LDLRAD4: variants seen among roughly 807,000 people sequenced by gnomAD.
LDLRAD4 encodes low-density lipoprotein receptor class A domain-containing protein 4.
A neutral mutation model predicts 17.0 loss-of-function variants in LDLRAD4; 5 were observed. The observed-to-expected ratio is 0.29, with a 90% CI of 0.15 to 0.62. The LOEUF is 0.62. Ranked by LOEUF, LDLRAD4 falls within the 20% of genes least tolerant of loss-of-function variation. The pLI is 0.84. For synonymous variants in LDLRAD4, 168 were observed against 171.8 expected (o/e 0.98, Z 0.17); for missense variants, 340 against 424.7 (o/e 0.80, Z 1.75).
chr18:13,506,215 C>G (rs1282593446), intron 3 of LDLRAD4, among the ~76,000 whole-genome samples: 2 of 89,714 alleles, frequency 2.2e-5, no homozygotes, highest in Non-Finnish European at 5.5e-5. Context: ...GCAGCTGTTT[C>G]CTCTTTTTTT....
At chr18:13,417,558 A>G (rs947225464) in intron 2 of LDLRAD4, among the ~76,000 whole-genome samples, 3 of 150,968 alleles carry the variant, frequency 2.0e-5, no homozygotes, top group Non-Finnish European at 4.4e-5. Flanking sequence ...TCAGCCTTCC[A>G]AGTAGCTGGG....
intron 1 of LDLRAD4, among the ~76,000 whole-genome samples, chr18:13,303,631 C>T (rs951726997): frequency 5.3e-5 from 8 of 152,096 alleles, no homozygotes; most frequent in African/African-American, 1.9e-4. Flanking sequence ...TGCTCCTGTC[C>T]GAGACTTTCC....
intron 3 of LDLRAD4, among the ~76,000 whole-genome samples, chr18:13,547,554 C>G (rs11661055): frequency 1.3e-5 from 2 of 152,036 alleles, no homozygotes. Context: ...CTGTCAAGGG[C>G]GAGCCAGGTG....
chr18:13,473,385 G>A (rs572794847), intron 3 of LDLRAD4, among the ~76,000 whole-genome samples: 22 of 152,026 alleles, frequency 1.4e-4, no homozygotes, highest in Non-Finnish European at 3.1e-4. Context: ...AAAACCTAGT[G>A]GGGGCTGGGC....
intron 2 of LDLRAD4, among the ~76,000 whole-genome samples, chr18:13,433,348 G>C (rs1391676453): frequency 6.6e-6 from 1 of 152,192 alleles, no homozygotes; most frequent in Non-Finnish European, 1.5e-5. Flanking sequence ...AAATGAGTCA[G>C]TGTTGCTATA....
intron 2 of LDLRAD4, among the ~76,000 whole-genome samples, chr18:13,415,471 G>C (rs1387834131): frequency 2.0e-5 from 3 of 152,196 alleles, no homozygotes; most frequent in Admixed American, 1.3e-4. Flanking sequence ...GGCTACTCTA[G>C]GGTGGGTGTG....
intron 1 of LDLRAD4, among the ~76,000 whole-genome samples, chr18:13,243,210 G>C (rs1487861749): frequency 6.6e-6 from 1 of 152,218 alleles, no homozygotes; most frequent in Non-Finnish European, 1.5e-5. Flanking sequence ...CATGGTGTGG[G>C]AGGCAGGGCC....
At chr18:13,286,809 C>T (rs578193073) in intron 1 of LDLRAD4, among the ~76,000 whole-genome samples, 26 of 152,176 alleles carry the variant, frequency 1.7e-4, no homozygotes, top group Non-Finnish European at 2.2e-4. Flanking sequence ...GGGGACAGGG[C>T]CTGAGCTGAA....
At chr18:13,359,649 T>A (rs1276492846) in intron 1 of LDLRAD4, among the ~76,000 whole-genome samples, 1 of 152,250 alleles carries the variant, frequency 6.6e-6, no homozygotes, top group Non-Finnish European at 1.5e-5. Context: ...TTAGGGAACT[T>A]AATTTCCTGG....
chr18:13,634,323 A>G (rs2041910572), intron 4 of LDLRAD4, among the ~76,000 whole-genome samples: 1 of 152,256 alleles, frequency 6.6e-6, no homozygotes. Context: ...TAAAGATTCT[A>G]TTTTAAAAAT....
chr18:13,461,584 G>A (rs184353586), intron 3 of LDLRAD4: 2 of 152,290 alleles, frequency 1.3e-5, no homozygotes, highest in East Asian at 1.9e-4. Context: ...CCTAGCAAGC[G>A]GCTCCTGAGC....
chr18:13,367,979 A>C lies in LDLRAD4; in HGVS notation c.-382-19362A>C, dbSNP rs367691056. ...CGAGGCTGCAGTGAGCCATGACGGC[A>C]CCACTGCAGTCCTGCCCAGGTGACA... On this transcript the variant is annotated intron_variant, in intron 1 of 5. Transcript: ENST00000359446. This position sits in a 1 kb window ranked among gnomAD's most constrained non-coding sequence, Gnocchi z 4.1. 1.3e-5 allele frequency among the ~76,000 whole-genome samples: 2 copies of C among 152,132 alleles called. No individual in the cohort carries two copies. Among genetic ancestry groups the C allele is most frequent in the African/African-American group, 2.4e-5 (1 of 41,514 alleles).
intron 3 of LDLRAD4, among the ~76,000 whole-genome samples, chr18:13,464,001 T>C (rs541900498): frequency 2.6e-5 from 4 of 152,318 alleles, no homozygotes; most frequent in African/African-American, 9.6e-5. Flanking sequence ...CTGGGGGAAA[T>C]AGACTTCTTT....
intron 1 of LDLRAD4, among the ~76,000 whole-genome samples, chr18:13,248,205 C>T (rs998264329): frequency 6.6e-6 from 1 of 152,234 alleles, no homozygotes; most frequent in Non-Finnish European, 1.5e-5. Context: ...TCGTGATCCG[C>T]CTGCCTCGGC....
At chr18:13,350,052 G>C in intron 1 of LDLRAD4, among the ~76,000 whole-genome samples, 1 of 152,130 alleles carries the variant, frequency 6.6e-6, no homozygotes, top group East Asian at 1.9e-4. Context: ...ATTTGGGTTG[G>C]TTCCATGTCT....
intron 3 of LDLRAD4, among the ~76,000 whole-genome samples, chr18:13,467,971 G>T (rs1271224837): frequency 1.3e-5 from 2 of 152,112 alleles, no homozygotes; most frequent in Non-Finnish European, 2.9e-5. Context: ...TCTCATATCA[G>T]GTACAAAAAT....
At position 13,533,024 on chromosome 18, in the gene LDLRAD4, C is replaced by A. The variant is rs147617896; in HGVS notation, c.182-88093C>A. On this transcript the variant is annotated intron_variant, in intron 3 of 5. Transcript: ENST00000359446. ...GCTGGAAATAGTGTGCCAGTGTTTT[C>A]TTGCTTCGGGTTAGATACCAGTTAA... Among the ~76,000 whole-genome samples, 23 of 152,350 alleles carry A rather than the reference C, an allele frequency of 1.5e-4. No homozygotes were observed. The East Asian group carries it at 4.2e-3, about 28-fold the overall frequency.
At chr18:13,470,112 T>C (rs2092726840) in intron 3 of LDLRAD4, among the ~76,000 whole-genome samples, 1 of 152,166 alleles carries the variant, frequency 6.6e-6, no homozygotes, top group Non-Finnish European at 1.5e-5. Flanking sequence ...GTGGAGCAGT[T>C]GCCCTTTGAC....
At chr18:13,639,227 T>A (rs1458464590) in intron 4 of LDLRAD4, among the ~76,000 whole-genome samples, 1 of 152,246 alleles carries the variant, frequency 6.6e-6, no homozygotes, top group Non-Finnish European at 1.5e-5. Context: ...TGCTGCCATC[T>A]GAGCGGCAGC....
Sources: allele counts gnomAD v4.1 joint callset (sites outside exome capture counted in the v4.1 genomes callset), GRCh38; gene constraint gnomAD v4.1.1; non-coding constraint Gnocchi (gnomAD v3.1); transcripts MANE v1.5; gene names NCBI Gene and HGNC (gene_info 2026-07-23, HGNC 2026-07-21).